VWF: variants seen among roughly 807,000 people sequenced by gnomAD.
VWF encodes von Willebrand factor, also known as Factor VIII related antigen.
Under a neutral mutation model 308.6 loss-of-function variants are expected in VWF, and 176 were observed. That is an observed-to-expected ratio of 0.57 (90% CI 0.50 to 0.65). The LOEUF is 0.65. Among genes scored for constraint, VWF ranks in the 30% least tolerant of loss-of-function variants. The pLI, the probability that VWF is intolerant of heterozygous loss-of-function variation, is 0.00. For synonymous variants in VWF, 1,385 were observed against 1,443.4 expected, an observed-to-expected ratio of 0.96 and a Z score of 0.92; for missense variants, 3,146 against 3,648.2, an observed-to-expected ratio of 0.86 and a Z score of 3.55.
intron 43 of VWF, among the ~76,000 whole-genome samples, chr12:5,974,917 C>T (rs539966457): frequency 1.3e-5 from 2 of 152,176 alleles, no homozygotes; most frequent in Admixed American, 6.5e-5. Flanking sequence ...TCTTTGCAAG[C>T]AAAACTCCCC....
intron 18 of VWF, 56 bp downstream of exon 18, chr12:6,044,235 T>C (rs1289801262): frequency 1.8e-5 from 29 of 1,608,040 alleles, no homozygotes; most frequent in Non-Finnish European, 2.4e-5. Flanking sequence ...CCCTCACTCA[T>C]CCCTGCCTAC....
intron 2 of VWF, 186 bp downstream of exon 2, chr12:6,122,956 G>C (rs761623605): frequency 1.3e-6 from 1 of 778,062 alleles, no homozygotes; most frequent in South Asian, 1.4e-5. Flanking sequence ...GCATTTGCAG[G>C]CACCTGGTCT....
At chr12:6,092,618 A>AGTGAGT (rs1945055436) in intron 6 of VWF, among the ~76,000 whole-genome samples, 3 of 66,150 alleles carry the variant, frequency 4.5e-5, no homozygotes, top group Non-Finnish European at 8.7e-5. Flanking sequence ...AGTGAGTGAG[A>AGTGAGT]GTGTGTGTGT....
intron 17 of VWF, among the ~76,000 whole-genome samples, chr12:6,045,929 AACAGT>A (rs1201835387): frequency 3.3e-5 from 5 of 152,218 alleles, no homozygotes; most frequent in African/African-American, 1.2e-4. Flanking sequence ...CTGGTCCTTA[AACAGT>A]ACAACAGGCC....
At chr12:6,050,453 T>A (rs1265139339) in intron 16 of VWF, among the ~76,000 whole-genome samples, 1 of 152,190 alleles carries the variant, frequency 6.6e-6, no homozygotes. Context: ...TGGATCCTAT[T>A]TGCTCCCTGC....
chr12:6,102,839 C>T (rs993895552), intron 5 of VWF, among the ~76,000 whole-genome samples: 17 of 152,256 alleles, frequency 1.1e-4, no homozygotes, highest in South Asian at 8.3e-4. Flanking sequence ...CAATGTAATC[C>T]TTATCAAAGT....
intron 34 of VWF, among the ~76,000 whole-genome samples, chr12:6,001,004 G>A (rs535420514): frequency 4.0e-4 from 61 of 152,040 alleles, no homozygotes; most frequent in Non-Finnish European, 7.6e-4. Flanking sequence ...AATAGAACTC[G>A]ACAATGGGAG....
At chr12:5,996,750 CA>C (rs61616182) in intron 34 of VWF, among the ~76,000 whole-genome samples, 6,465 of 60,478 alleles carry the variant, frequency 0.11, 302 homozygotes, top group African/African-American at 0.26. Flanking sequence ...TTTCCAGAGC[CA>C]AAAAAAAAAA....
At chr12:5,960,748 A>AGGGGG (rs1161920885) in intron 47 of VWF, among the ~76,000 whole-genome samples, 3 of 152,208 alleles carry the variant, frequency 2.0e-5, no homozygotes, top group Non-Finnish European at 2.9e-5. Context: ...GGTCATCTTA[A>AGGGGG]AATATACAGC....
Position 6,018,996 on chromosome 12 carries a change from T to C in VWF, c.4422A>G (p.Ala1474=), listed in dbSNP as rs1944096304. The C allele has an allele frequency of 6.2e-7, 1 of 1,613,928 alleles. No individual in the cohort carries two copies. The highest frequency in any genetic ancestry group is 8.5e-7 in the Non-Finnish European group (1 of 1,179,854). The stretch of plus-strand genomic sequence containing the variant: ...AGAGCCCCGGGCCCACAGTGACTTG[T>C]GCCATGTCGGGGGGCAGAGTAGGAG... ...APPPTLPPDM[A]QVTVGPGLLG... The change falls in exon 28 of 52, where the codon GCA becomes GCG. Residue 1474 remains alanine (A), a synonymous_variant. Transcript: ENST00000261405.
chr12:6,051,211 C>T (rs1222947439), intron 16 of VWF, among the ~76,000 whole-genome samples: 1 of 151,450 alleles, frequency 6.6e-6, no homozygotes, highest in African/African-American at 2.4e-5. Flanking sequence ...GGAATGGATA[C>T]GTTGGGGCTC....
intron 3 of VWF, among the ~76,000 whole-genome samples, chr12:6,116,965 CT>C (rs1472722380): frequency 1.3e-5 from 2 of 152,186 alleles, no homozygotes; most frequent in African/African-American, 4.8e-5. Context: ...GCTCCCTCCC[CT>C]GACCCAGTGC....
At chr12:6,085,641 A>G (rs1015803627) in intron 6 of VWF, among the ~76,000 whole-genome samples, 1 of 151,706 alleles carries the variant, frequency 6.6e-6, no homozygotes, top group African/African-American at 2.4e-5. Flanking sequence ...TCAAATGAGC[A>G]ACATAAAAAG....
chr12:6,013,638 T>A lies in VWF; in HGVS notation c.5463A>T (p.Thr1821=). The A allele has an allele frequency of 6.2e-7, 1 of 1,613,094 alleles. No homozygotes were observed. The highest frequency in any genetic ancestry group is 1.9e-4 in the Middle Eastern group (1 of 5,350). ...AADAARSNRV[T]VFPIGIGDRY... ...GATCTCCAATTCCAATAGGGAACAC[T>A]GTCACTCCTAGAGTTAGCAAAGAGA... The change falls in exon 32 of 52, where the codon ACA becomes ACT. Residue 1821 remains threonine (T), a synonymous_variant. Coordinates refer to ENST00000261405, the MANE Select transcript of VWF (RefSeq NM_000552.5).
chr12:5,964,616 G>A (rs1255600402), intron 47 of VWF, among the ~76,000 whole-genome samples: 1 of 152,100 alleles, frequency 6.6e-6, no homozygotes, highest in Non-Finnish European at 1.5e-5. Flanking sequence ...CAGACGACCT[G>A]TCCCAAGGTC....
intron 24 of VWF, 83 bp from the exon 25 acceptor site, chr12:6,023,870 T>C: frequency 1.3e-6 from 2 of 1,526,576 alleles, no homozygotes; most frequent in South Asian, 1.2e-5. Context: ...AATGTTCTGA[T>C]GGTCAATTTA....
chr12:6,102,182 C>A (rs1945170361), intron 5 of VWF, among the ~76,000 whole-genome samples: 2 of 152,280 alleles, frequency 1.3e-5, no homozygotes. Context: ...TGGCTCACAC[C>A]TGTAATCCCA....
rs569717769 is a variant in VWF, at chr12:5,988,850, G to A, written c.6798+2969C>T. Among the ~76,000 whole-genome samples, 11 of 152,252 alleles carry A rather than the reference G, an allele frequency of 7.2e-5. No individual in the cohort carries two copies. In the South Asian group the frequency reaches 1.0e-3, roughly 14 times the overall value. ...GCGTGACTATCACCAGGCCAGAACC[G>A]GTATGAGAGCCAGCAGGAGTTAAAG... On this transcript the variant is annotated intron_variant, in intron 38 of 51. Coordinates refer to ENST00000261405, the MANE Select transcript of VWF (RefSeq NM_000552.5).
In VWF at chr12:6,058,042, C is replaced by T; in HGVS notation, c.1536G>A (p.Leu512=). The part of the protein sequence containing the change: ...WDGRGRLLVK[L]SPVYAGKTCG... ...AGGTCTTCCCGGCATAGACGGGGGA[C>T]AGCTGCAGGAGAGACCAGGCCACTC... The change falls in exon 14 of 52, where the codon CTG becomes CTA. Residue 512 remains leucine, a splice_region_variant and synonymous_variant. Coordinates refer to ENST00000261405, the MANE Select transcript of VWF (RefSeq NM_000552.5). This position sits in a 1 kb window ranked among gnomAD's most constrained non-coding sequence, Gnocchi z 4.9. 2 of 1,613,032 alleles carry T rather than the reference C, an allele frequency of 1.2e-6. No individual in the cohort carries two copies. Among genetic ancestry groups the T allele is most frequent in the Non-Finnish European group, 1.7e-6 (2 of 1,180,026 alleles).
Sources: gnomAD v4.1 joint callset for allele counts (sites outside exome capture counted in the v4.1 genomes callset) on GRCh38, gnomAD v4.1.1 for gene constraint, Gnocchi (gnomAD v3.1) non-coding constraint, MANE v1.5 for transcripts, NCBI Gene and HGNC (gene_info 2026-07-23, HGNC 2026-07-21) for gene names.